NCOA2: variants seen among roughly 807,000 people sequenced by gnomAD.
The protein encoded by NCOA2 is class E basic helix-loop-helix protein 75.
In NCOA2, 21 loss-of-function variants were observed where a neutral mutation model predicts 145.1. That is an observed-to-expected ratio of 0.14 (90% CI 0.10 to 0.21). The LOEUF (loss-of-function observed/expected upper bound fraction) is 0.21, where lower values mean the gene tolerates loss of function less well. NCOA2 is among the 10% of genes least tolerant of loss of function. The pLI is 1.00. For missense variants in NCOA2, 1,472 were observed against 1,837.6 expected, an observed-to-expected ratio of 0.80 and a Z score of 3.64; for synonymous variants, 619 against 637.5, an observed-to-expected ratio of 0.97 and a Z score of 0.44.
At chr8:70,159,242 ATTTTTT>A (rs763150293) in intron 10 of NCOA2, among the ~76,000 whole-genome samples, 1 of 61,076 alleles carries the variant, frequency 1.6e-5, no homozygotes, top group South Asian at 3.6e-4. Context: ...ATATATATAT[ATTTTTT>A]TTTTTTTCCC....
At chr8:70,415,165 T>A in the NCOA2 span, among the ~76,000 whole-genome samples, 1 of 151,960 alleles carries the variant, frequency 6.6e-6, no homozygotes, top group Admixed American at 6.6e-5. Context: ...AAAATTAACC[T>A]GAGTTTTTTA....
At chr8:70,120,223 G>C (rs1807646700) in intron 22 of NCOA2, among the ~76,000 whole-genome samples, 1 of 152,030 alleles carries the variant, frequency 6.6e-6, no homozygotes, top group Non-Finnish European at 1.5e-5. Flanking sequence ...TATGGGATAG[G>C]ATTTTTTAAA....
At chr8:70,357,673 G>A (rs948599503) in intron 1 of NCOA2, among the ~76,000 whole-genome samples, 11 of 152,048 alleles carry the variant, frequency 7.2e-5, no homozygotes, top group African/African-American at 2.2e-4. Flanking sequence ...CCTGGGAGGC[G>A]GAGCTTGCAG....
At chr8:70,311,597 G>A (rs1260702637) in intron 1 of NCOA2, among the ~76,000 whole-genome samples, 1 of 152,144 alleles carries the variant, frequency 6.6e-6, no homozygotes, top group Non-Finnish European at 1.5e-5. Context: ...TGCAATATCT[G>A]GGAAGAAGAT....
chr8:70,209,738 G>T (rs983094354), intron 4 of NCOA2, among the ~76,000 whole-genome samples: 1 of 152,174 alleles, frequency 6.6e-6, no homozygotes, highest in African/African-American at 2.4e-5. Context: ...ATTTTTTAAA[G>T]AAGTAATACC....
the NCOA2 span, among the ~76,000 whole-genome samples, chr8:70,410,392 G>C: frequency 6.6e-6 from 1 of 152,138 alleles, no homozygotes; most frequent in Non-Finnish European, 1.5e-5. Flanking sequence ...AATGAGAACA[G>C]ATGTTCACCA....
intron 2 of NCOA2, among the ~76,000 whole-genome samples, chr8:70,224,935 G>A (rs1820481267): frequency 6.6e-6 from 1 of 151,712 alleles, no homozygotes; most frequent in Non-Finnish European, 1.5e-5. Context: ...CTGTCCTCCT[G>A]CTCCTCTGTT....
In NCOA2 at chr8:70,337,422, T is replaced by C. The variant is rs190126784; in HGVS notation, c.-76-40622A>G. On this transcript the variant is annotated intron_variant, in intron 1 of 22. Transcript: ENST00000452400. Reference sequence around the variant, plus strand: ...TTTCTGAATAGGCAACAGAGGACAGTGGTTAAGGTCAAAAATTCAGGAGGC... The same window carrying C: ...TTTCTGAATAGGCAACAGAGGACAGCGGTTAAGGTCAAAAATTCAGGAGGC... Among the ~76,000 whole-genome samples, 40 of 152,220 alleles carry C rather than the reference T, an allele frequency of 2.6e-4. No homozygotes were observed. The East Asian group carries it at 7.7e-3, about 29-fold the overall frequency.
chr8:70,333,183 A>G (rs542435935), intron 1 of NCOA2, among the ~76,000 whole-genome samples: 2 of 152,264 alleles, frequency 1.3e-5, no homozygotes, highest in South Asian at 2.1e-4. Flanking sequence ...GTCTTTTCCA[A>G]CTGCTTGCAG....
At position 70,287,537 on chromosome 8, in the gene NCOA2, C is replaced by A. The variant is rs770742266; in HGVS notation, c.-20+9207G>T. Among the ~76,000 whole-genome samples, 4 of 152,108 alleles carry A rather than the reference C, an allele frequency of 2.6e-5. No homozygotes were observed. In the East Asian group the frequency reaches 7.7e-4, roughly 29 times the overall value. On this transcript the variant is annotated intron_variant, in intron 2 of 22. Coordinates refer to ENST00000452400, the MANE Select transcript of NCOA2 (RefSeq NM_006540.4). ...ACTTGTGAAGTCATTTTTAAAGAGA[C>A]GAATCAAAGGGAGTAGGGCTGGGCC...
intron 2 of NCOA2, among the ~76,000 whole-genome samples, chr8:70,246,315 G>C (rs1822617065): frequency 6.6e-6 from 1 of 152,068 alleles, no homozygotes; most frequent in Admixed American, 6.6e-5. Context: ...AGCAATTTGA[G>C]GAAGAAGTTT....
intron 1 of NCOA2, among the ~76,000 whole-genome samples, chr8:70,357,901 A>C (rs1017789177): frequency 2.0e-4 from 30 of 151,720 alleles, no homozygotes; most frequent in African/African-American, 7.3e-4. Context: ...AAATACAAAA[A>C]TTAGCTGGGC....
intron 1 of NCOA2, among the ~76,000 whole-genome samples, chr8:70,313,765 T>C (rs866762707): frequency 8.5e-5 from 13 of 152,302 alleles, no homozygotes; most frequent in African/African-American, 2.9e-4. Flanking sequence ...TCCTAATCCT[T>C]AAAATGTTTA....
In NCOA2 at chr8:70,305,252, C is replaced by T. The variant is rs73684272; in HGVS notation, c.-76-8452G>A. Among the ~76,000 whole-genome samples, 1,024 of 151,908 alleles carry T rather than the reference C, an allele frequency of 6.7e-3. 11 individuals carry two copies. Among genetic ancestry groups the T allele is most frequent in the Middle Eastern group, 0.024 (7 of 294 alleles). ...TCTTTAACTTCCAACACCTAAAGTACCCTCAAAGACAGCCTCAGAGGAACC... is the reference window on the plus strand; with the variant it reads ...TCTTTAACTTCCAACACCTAAAGTATCCTCAAAGACAGCCTCAGAGGAACC... On this transcript the variant is annotated intron_variant, in intron 1 of 22. Transcript: ENST00000452400.
At chr8:70,403,652 C>A (rs1814602854) in intron 1 of NCOA2, 48 bp downstream of exon 1, 3 of 362,138 alleles carry the variant, frequency 8.3e-6, no homozygotes, top group Admixed American at 4.7e-5. Context: ...CCCCGCCTGC[C>A]GCCCGCCCCC....
intron 1 of NCOA2, among the ~76,000 whole-genome samples, chr8:70,314,464 A>G (rs1305096425): frequency 1.3e-5 from 2 of 152,158 alleles, no homozygotes; most frequent in Admixed American, 6.5e-5. Flanking sequence ...GTCACATTAA[A>G]AAAATTGAAC....
intron 2 of NCOA2, among the ~76,000 whole-genome samples, chr8:70,217,804 A>C (rs1425334337): frequency 2.0e-5 from 3 of 152,168 alleles, no homozygotes; most frequent in African/African-American, 7.2e-5. Context: ...ATAACTGCTT[A>C]CCAAAAGAAA....
chr8:70,238,943 CACT>C (rs1224050453), intron 2 of NCOA2, among the ~76,000 whole-genome samples: 1 of 152,136 alleles, frequency 6.6e-6, no homozygotes, highest in African/African-American at 2.4e-5. Context: ...AATCTTGACC[CACT>C]ATTCTAGAGA....
chr8:70,189,750 C>A (rs1226980582), intron 4 of NCOA2, among the ~76,000 whole-genome samples: 1 of 152,074 alleles, frequency 6.6e-6, no homozygotes, highest in South Asian at 2.1e-4. Flanking sequence ...CACGGTTAAG[C>A]CAAGTGCTGA....
Sources: gnomAD v4.1 joint callset for allele counts (sites outside exome capture counted in the v4.1 genomes callset) on GRCh38, gnomAD v4.1.1 for gene constraint, MANE v1.5 for transcripts, NCBI Gene and HGNC (gene_info 2026-07-23, HGNC 2026-07-21) for gene names.